TSHZ1: variants seen among roughly 807,000 people sequenced by gnomAD.
TSHZ1 encodes teashirt zinc finger homeobox 1, also known as teashirt homolog 1.
In TSHZ1, 12 loss-of-function variants were observed where a neutral mutation model predicts 67.1. That is an observed-to-expected ratio of 0.18 (90% CI 0.11 to 0.29). The LOEUF is 0.29. Among genes scored for constraint, TSHZ1 ranks in the 10% least tolerant of loss-of-function variants. TSHZ1 has a pLI of 1.00. For synonymous variants in TSHZ1, 632 were observed against 622.4 expected (o/e 1.02, Z -0.23); for missense variants, 1,305 against 1,413.9 (o/e 0.92, Z 1.23).
At chr18:75,225,299 T>C (rs552429106) in intron 1 of TSHZ1, among the ~76,000 whole-genome samples, 1 of 152,194 alleles carries the variant, frequency 6.6e-6, no homozygotes, top group African/African-American at 2.4e-5. Flanking sequence ...TAAAGAAAAA[T>C]TAAATATTTT....
chr18:75,214,803 G>A (rs1271758628), intron 1 of TSHZ1, among the ~76,000 whole-genome samples: 1 of 152,150 alleles, frequency 6.6e-6, no homozygotes, highest in African/African-American at 2.4e-5. Context: ...AGGTTGTTTA[G>A]CCAGCTTCAT....
Position 75,286,945 on chromosome 18 carries a change from C to T in TSHZ1, c.1538C>T (p.Ala513Val), listed in dbSNP as rs201058634. The T allele has an allele frequency of 7.9e-5, 127 of 1,614,142 alleles. No individual in the cohort carries two copies. The highest frequency in any genetic ancestry group is 9.5e-5 in the Non-Finnish European group (112 of 1,180,018). The change falls in exon 2 of 2, where the codon GCG (alanine) becomes GTG (valine). Residue 513 changes from alanine to valine, a missense_variant. Around this residue, in one of 3 missense-constraint regions of TSHZ1, gnomAD observed 909 missense variants for 961.8 expected, o/e 0.95. Transcript: ENST00000580243. This position sits in a 1 kb window ranked among gnomAD's most constrained non-coding sequence, Gnocchi z 5.1. ...GAGAAGCCGCCTGTGGCTGGCGACG[C>T]GGAGAAGATCAAGGAGGAGAGTGAG... The part of the protein sequence containing the change: ...EKEKPPVAGD[A>V]EKIKEESEDS...
intron 1 of TSHZ1, among the ~76,000 whole-genome samples, chr18:75,240,526 C>T (rs777219310): frequency 2.6e-5 from 4 of 152,150 alleles, no homozygotes; most frequent in African/African-American, 4.8e-5. Flanking sequence ...AGGTGCACCG[C>T]GAGCCTTTCC....
At chr18:75,221,917 A>G (rs2122519594) in intron 1 of TSHZ1, among the ~76,000 whole-genome samples, 1 of 152,224 alleles carries the variant, frequency 6.6e-6, no homozygotes. Context: ...ATATATACAT[A>G]TGTATATAGA....
Position 75,211,461 on chromosome 18 carries a change from G to C in TSHZ1, c.-416G>C, listed in dbSNP as rs1165904086. Reference sequence around the variant, plus strand: ...CTCGGCTCGCGGAAGAAGGCGCAGGGGAGCGCCCGGAGCGGCGCGCCGGGA... The same window carrying C: ...CTCGGCTCGCGGAAGAAGGCGCAGGCGAGCGCCCGGAGCGGCGCGCCGGGA... On this transcript the variant is annotated 5_prime_UTR_variant, in exon 1 of 2. Coordinates refer to ENST00000580243, the MANE Select transcript of TSHZ1 (RefSeq NM_001308210.2). 1.3e-5 allele frequency: 2 copies of C among 150,342 alleles called. No homozygotes were observed. Among genetic ancestry groups the C allele is most frequent in the Non-Finnish European group, 3.0e-5 (2 of 67,358 alleles). 9.3% of individuals were successfully genotyped at this position (150,342 alleles called of 1,614,324 possible). A position where few individuals can be genotyped will look rare whatever the true frequency, so the allele number is the denominator to read the frequency against.
intron 1 of TSHZ1, among the ~76,000 whole-genome samples, chr18:75,241,492 C>T (rs540230161): frequency 2.6e-5 from 4 of 152,150 alleles, no homozygotes; most frequent in African/African-American, 7.2e-5. Context: ...GCGGGATGTG[C>T]GTCTGTGCCT....
At chr18:75,265,352 G>T (rs1047852197) in intron 1 of TSHZ1, among the ~76,000 whole-genome samples, 3 of 152,176 alleles carry the variant, frequency 2.0e-5, no homozygotes, top group African/African-American at 2.4e-5. Context: ...GCTGCGTCCT[G>T]ATGGTTGTTT....
intron 1 of TSHZ1, among the ~76,000 whole-genome samples, chr18:75,262,354 A>G (rs2023440658): frequency 6.6e-6 from 1 of 152,230 alleles, no homozygotes; most frequent in African/African-American, 2.4e-5. Context: ...GAGTCATATT[A>G]AAGATAATTG....
intron 1 of TSHZ1, among the ~76,000 whole-genome samples, chr18:75,249,737 C>T (rs1377397311): frequency 6.0e-5 from 9 of 149,332 alleles, no homozygotes; most frequent in Non-Finnish European, 1.5e-5. Context: ...TCCTCCTCCT[C>T]ACCTCACCCC....
At chr18:75,275,452 G>A (rs896898592) in intron 1 of TSHZ1, among the ~76,000 whole-genome samples, 1 of 152,216 alleles carries the variant, frequency 6.6e-6, no homozygotes, top group African/African-American at 2.4e-5. Context: ...CTGGCAGCAT[G>A]TAGTCAGAGA....
At chr18:75,223,175 G>A (rs1304389247) in intron 1 of TSHZ1, among the ~76,000 whole-genome samples, 1 of 152,116 alleles carries the variant, frequency 6.6e-6, no homozygotes, top group East Asian at 1.9e-4. Flanking sequence ...GAGAGTGGAG[G>A]CGGTACAAGG....
chr18:75,278,799 T>C (rs1020366678), intron 1 of TSHZ1, among the ~76,000 whole-genome samples: 1 of 151,980 alleles, frequency 6.6e-6, no homozygotes, highest in African/African-American at 2.4e-5. Flanking sequence ...CAGTTACTAT[T>C]ATTATTTGTA....
rs762713418 is a variant in TSHZ1, at chr18:75,287,777, C to T, written c.2370C>T (p.Thr790=). 9 of 1,614,068 alleles carry T rather than the reference C, an allele frequency of 5.6e-6. No homozygotes were observed. Among genetic ancestry groups the T allele is most frequent in the Admixed American group, 1.7e-5 (1 of 60,012 alleles). ...TGGACAAGCCGGTGTACCCCGCCAC[C>T]CCTGTGAAGCAGGCCGATGCCATCG... ...SMLDKPVYPA[T]PVKQADAIDR... The change falls in exon 2 of 2, where the codon ACC becomes ACT. Residue 790 remains threonine, a synonymous_variant. Transcript: ENST00000580243. This position sits in a 1 kb window ranked among gnomAD's most constrained non-coding sequence, Gnocchi z 5.0.
intron 1 of TSHZ1, among the ~76,000 whole-genome samples, chr18:75,240,115 G>A (rs1418538952): frequency 4.6e-5 from 7 of 152,162 alleles, no homozygotes; most frequent in Middle Eastern, 3.2e-3. Flanking sequence ...TGACCTTAGG[G>A]AATATAAATA....
At chr18:75,239,611 C>T (rs2023127527) in intron 1 of TSHZ1, among the ~76,000 whole-genome samples, 1 of 152,148 alleles carries the variant, frequency 6.6e-6, no homozygotes. Flanking sequence ...AGGAATCCTC[C>T]CACATCAGCC....
intron 1 of TSHZ1, among the ~76,000 whole-genome samples, chr18:75,223,454 G>C (rs1357498808): frequency 6.6e-6 from 1 of 152,116 alleles, no homozygotes; most frequent in South Asian, 2.1e-4. Context: ...ATTTTAGAGA[G>C]AGGGAGTTGC....
In TSHZ1 at chr18:75,286,250, G is replaced by C. The variant is rs1183966876; in HGVS notation, c.843G>C (p.Glu281Asp). ...YRDDNRDKDSEKTKRWSKPRK... is the reference protein window; with the variant it reads ...YRDDNRDKDSDKTKRWSKPRK... ...ACGACAACAGGGACAAGGACTCCGA[G>C]AAGACCAAGAGGTGGTCCAAGCCCA... The change falls in exon 2 of 2, where the codon GAG becomes GAC. Residue 281 changes from glutamate (E) to aspartate (D), a missense_variant. Physicochemically the swap from Glu to Asp is conservative, Grantham distance 45. Coordinates refer to ENST00000580243, the MANE Select transcript of TSHZ1 (RefSeq NM_001308210.2). This position sits in a 1 kb window ranked among gnomAD's most constrained non-coding sequence, Gnocchi z 5.1. 3 of 1,613,904 alleles carry C rather than the reference G, an allele frequency of 1.9e-6. No individual in the cohort carries two copies. Among genetic ancestry groups the C allele is most frequent in the South Asian group, 2.2e-5 (2 of 91,086 alleles).
intron 1 of TSHZ1, among the ~76,000 whole-genome samples, chr18:75,217,341 G>C (rs1331967220): frequency 3.9e-5 from 6 of 151,962 alleles, no homozygotes; most frequent in Non-Finnish European, 8.8e-5. Context: ...ATTCTGAATC[G>C]AATAATAGAA....
At chr18:75,212,911 G>T (rs1299961275) in intron 1 of TSHZ1, among the ~76,000 whole-genome samples, 1 of 152,188 alleles carries the variant, frequency 6.6e-6, no homozygotes, top group African/African-American at 2.4e-5. Context: ...CGTTTGTGGG[G>T]CTGAGAATGC....
Sources: allele counts gnomAD v4.1 joint callset (sites outside exome capture counted in the v4.1 genomes callset), GRCh38; gene constraint gnomAD v4.1.1; regional missense constraint gnomAD v4.1.1; non-coding constraint Gnocchi (gnomAD v3.1); transcripts MANE v1.5; gene names NCBI Gene and HGNC (gene_info 2026-07-23, HGNC 2026-07-21).